The following CCNY variants were observed in gnomAD, a reference collection of about 807,000 sequenced individuals.
CCNY encodes cyclin Y, also known as cyclin-Y.
Under a neutral mutation model 42.8 loss-of-function variants are expected in CCNY, and 19 were observed. The ratio of observed to expected loss-of-function variants is 0.44; its 90% CI spans 0.31 to 0.65. CCNY has a LOEUF of 0.65. Among genes scored for constraint, CCNY ranks in the 30% least tolerant of loss-of-function variants. The probability of loss-of-function intolerance (pLI) is 0.07; values close to 1 mark genes in which losing one functional copy is unlikely to be tolerated. For synonymous variants in CCNY, 165 were observed against 162.7 expected, an observed-to-expected ratio of 1.01 and a Z score of -0.11; for missense variants, 370 against 437.3, an observed-to-expected ratio of 0.85 and a Z score of 1.37.
chr10:35,494,722 A>C (rs989923932), intron 2 of CCNY, among the ~76,000 whole-genome samples: 8 of 152,234 alleles, frequency 5.3e-5, no homozygotes, highest in African/African-American at 1.9e-4. Flanking sequence ...CTAACACACC[A>C]ATAGAAAAAT....
At chr10:35,519,571 C>T (rs1009001315) in intron 4 of CCNY, among the ~76,000 whole-genome samples, 1 of 151,892 alleles carries the variant, frequency 6.6e-6, no homozygotes, top group Non-Finnish European at 1.5e-5. Flanking sequence ...CCTCCCCCAC[C>T]AATGTCCCCC....
chr10:35,276,506 C>G (rs1347927897), intron 3 of CCNY, among the ~76,000 whole-genome samples: 1 of 152,170 alleles, frequency 6.6e-6, no homozygotes, highest in Non-Finnish European at 1.5e-5. Context: ...CTACCTCAGC[C>G]TCTGTAGTAG....
intron 1 of CCNY, among the ~76,000 whole-genome samples, chr10:35,422,854 T>G (rs1039107419): frequency 2.6e-5 from 4 of 152,220 alleles, no homozygotes; most frequent in Admixed American, 1.3e-4. Context: ...ATGGACTCAT[T>G]TAATTGTCTA....
At chr10:35,351,214 A>C (rs1348800853) in intron 1 of CCNY, among the ~76,000 whole-genome samples, 1 of 152,264 alleles carries the variant, frequency 6.6e-6, no homozygotes, top group Non-Finnish European at 1.5e-5. Flanking sequence ...GACTTATGTC[A>C]GTGTGTGCAC....
At chr10:35,515,946 A>G (rs1485238937) in intron 3 of CCNY, among the ~76,000 whole-genome samples, 2 of 152,234 alleles carry the variant, frequency 1.3e-5, no homozygotes, top group African/African-American at 4.8e-5. Flanking sequence ...TTTCAAAAGT[A>G]TCAGATAATC....
chr10:35,550,402 T>C (rs1432681354), intron 7 of CCNY, among the ~76,000 whole-genome samples: 1 of 152,206 alleles, frequency 6.6e-6, no homozygotes, highest in Non-Finnish European at 1.5e-5. Context: ...TGATGGTCTT[T>C]TTATCCTTAA....
At chr10:35,531,649 T>A (rs1840772801) in intron 7 of CCNY, among the ~76,000 whole-genome samples, 1 of 152,206 alleles carries the variant, frequency 6.6e-6, no homozygotes, top group Non-Finnish European at 1.5e-5. Flanking sequence ...GAAAAGCAGA[T>A]GAAACCATAG....
rs370520026 is a variant in CCNY at position 35,417,502 on chromosome 10, TG to T, written c.155-65900del. ...GTATGAGGGAAAGAGAAGTTGATGA[TG>T]GTCAGTTTTAGCTAAAATGTTTGAG... On this transcript the variant is annotated intron_variant, in intron 1 of 9. Coordinates refer to ENST00000374704, the MANE Select transcript of CCNY (RefSeq NM_145012.6). Among the ~76,000 whole-genome samples, 346 of 152,288 alleles carry T rather than the reference TG, an allele frequency of 2.3e-3. 1 individual carries two copies. Among genetic ancestry groups the T allele is most frequent in the African/African-American group, 7.9e-3 (329 of 41,574 alleles).
At chr10:35,566,757 A>G (rs1046807780) in intron 9 of CCNY, among the ~76,000 whole-genome samples, 1 of 152,120 alleles carries the variant, frequency 6.6e-6, no homozygotes, top group African/African-American at 2.4e-5. Context: ...CCCAGGCTGG[A>G]GTGCAGTGGC....
intron 5 of CCNY, 98 bp downstream of exon 5, chr10:35,526,097 C>A: frequency 9.8e-7 from 1 of 1,021,358 alleles, no homozygotes; most frequent in Non-Finnish European, 1.5e-6. Context: ...TTGAATTATA[C>A]TTTCTTAACT....
At chr10:35,568,227 C>T (rs2135468249) in intron 9 of CCNY, among the ~76,000 whole-genome samples, 1 of 152,330 alleles carries the variant, frequency 6.6e-6, no homozygotes, top group African/African-American at 2.4e-5. Flanking sequence ...TCAGGTTTCT[C>T]CGAGTGCCGA....
intron 3 of CCNY, among the ~76,000 whole-genome samples, chr10:35,254,738 G>A (rs555124535): frequency 8.6e-5 from 13 of 151,064 alleles, no homozygotes; most frequent in Non-Finnish European, 1.9e-4. Context: ...TGATGTGGGA[G>A]GATCACCTGA....
At chr10:35,527,965 G>C (rs1386734481) in intron 5 of CCNY, among the ~76,000 whole-genome samples, 1 of 152,168 alleles carries the variant, frequency 6.6e-6, no homozygotes, top group Admixed American at 6.5e-5. Context: ...CCCCTTTCCT[G>C]AGTCGTCTTA....
chr10:35,377,404 G>A (rs901245014), intron 1 of CCNY, among the ~76,000 whole-genome samples: 6 of 152,108 alleles, frequency 3.9e-5, no homozygotes, highest in Non-Finnish European at 8.8e-5. Context: ...ATTGTGTTAC[G>A]ATTGCCCATA....
At chr10:35,424,343 C>T (rs1261042167) in intron 1 of CCNY, among the ~76,000 whole-genome samples, 1 of 152,252 alleles carries the variant, frequency 6.6e-6, no homozygotes, top group Non-Finnish European at 1.5e-5. Context: ...TCTCCTGCCT[C>T]AACCTCCCAA....
intron 1 of CCNY, among the ~76,000 whole-genome samples, chr10:35,365,967 A>G (rs1349864346): frequency 6.6e-6 from 1 of 152,346 alleles, no homozygotes; most frequent in South Asian, 2.1e-4. Context: ...TTCTATTTGG[A>G]TGGTTGAAAT....
intron 1 of CCNY, among the ~76,000 whole-genome samples, chr10:35,361,899 C>T (rs543865215): frequency 3.9e-5 from 6 of 152,294 alleles, no homozygotes; most frequent in African/African-American, 1.4e-4. Flanking sequence ...CACTTCAGCA[C>T]CCAAAATCTG....
rs181457582 is a variant in CCNY, at chr10:35,562,658, T to G, written c.747-3365T>G. Among the ~76,000 whole-genome samples, 445 of 152,292 alleles carry G rather than the reference T, an allele frequency of 2.9e-3. 3 individuals are homozygous for G. The highest frequency in any genetic ancestry group is 4.6e-3 in the Admixed American group (71 of 15,290). On this transcript the variant is annotated intron_variant, in intron 8 of 9. Coordinates refer to ENST00000374704, the MANE Select transcript of CCNY (RefSeq NM_145012.6). ...AGTGTGTCTGAATTTCCTTTCTTTT[T>G]AGGGCTGTATAATACTTCACTGGGG...
intron 7 of CCNY, among the ~76,000 whole-genome samples, chr10:35,551,798 GTAT>G (rs1841263511): frequency 6.6e-6 from 1 of 152,116 alleles, no homozygotes; most frequent in Non-Finnish European, 1.5e-5. Flanking sequence ...TTAAAAATAG[GTAT>G]ATAAAATCCT....
Sources: gnomAD v4.1 joint callset for allele counts (sites outside exome capture counted in the v4.1 genomes callset) on GRCh38, gnomAD v4.1.1 for gene constraint, MANE v1.5 for transcripts, NCBI Gene and HGNC (gene_info 2026-07-23, HGNC 2026-07-21) for gene names.